The following KCNIP4 variants were observed in gnomAD, a reference collection of about 807,000 sequenced individuals.
KCNIP4 encodes Kv channel-interacting protein 4.
KCNIP4 carries 12 observed loss-of-function variants against 34.0 expected under a neutral mutation model. The ratio of observed to expected loss-of-function variants is 0.35; its 90% CI spans 0.23 to 0.57. The LOEUF is 0.57. KCNIP4 is among the 20% of genes least tolerant of loss of function. KCNIP4 has a pLI of 0.83. For missense variants in KCNIP4, 238 were observed against 311.7 expected (o/e 0.76, Z 1.78); for synonymous variants, 124 against 102.2 (o/e 1.21, Z -1.29).
chr4:21,104,554 C>T (rs1011877316), intron 1 of KCNIP4, among the ~76,000 whole-genome samples: 1 of 152,134 alleles, frequency 6.6e-6, no homozygotes, highest in Admixed American at 6.5e-5. Context: ...TGCCTGTTCA[C>T]TCTGATGGTA....
chr4:21,444,996 C>A (rs1341737565), intron 1 of KCNIP4, among the ~76,000 whole-genome samples: 3 of 152,032 alleles, frequency 2.0e-5, no homozygotes, highest in African/African-American at 7.3e-5. Flanking sequence ...AAACAGAGAG[C>A]CAAATCATGA....
At chr4:21,607,628 T>C (rs1260625755) in intron 1 of KCNIP4, among the ~76,000 whole-genome samples, 3 of 151,846 alleles carry the variant, frequency 2.0e-5, no homozygotes, top group African/African-American at 2.4e-5. Flanking sequence ...AATCCTTGCA[T>C]GGGGAGAGCT....
At chr4:21,122,377 G>T (rs191216877) in intron 1 of KCNIP4, among the ~76,000 whole-genome samples, 6 of 149,150 alleles carry the variant, frequency 4.0e-5, no homozygotes, top group Middle Eastern at 3.7e-3. Context: ...GTTATTCAGG[G>T]TTAAATTGTT....
intron 1 of KCNIP4, among the ~76,000 whole-genome samples, chr4:20,975,448 C>T (rs1408775355): frequency 2.0e-5 from 3 of 152,134 alleles, no homozygotes; most frequent in African/African-American, 7.2e-5. Context: ...GGCACTCAGG[C>T]ATTGACTCAT....
At chr4:21,697,602 T>G (rs1462016692) in intron 1 of KCNIP4, 2 of 1,361,528 alleles carry the variant, frequency 1.5e-6, no homozygotes, top group Non-Finnish European at 1.9e-6. Context: ...AATCAGAAAT[T>G]CCTTTAAAAT....
At chr4:21,120,130 G>A (rs1406948598) in intron 1 of KCNIP4, among the ~76,000 whole-genome samples, 2 of 152,166 alleles carry the variant, frequency 1.3e-5, no homozygotes, top group Non-Finnish European at 2.9e-5. Flanking sequence ...TCTAGACATC[G>A]GGAAATCTGT....
At chr4:21,265,967 C>T (rs971398018) in intron 1 of KCNIP4, among the ~76,000 whole-genome samples, 2 of 152,234 alleles carry the variant, frequency 1.3e-5, no homozygotes, top group African/African-American at 4.8e-5. Flanking sequence ...AGCACTTGCT[C>T]ATTTCCATTG....
At chr4:21,485,915 C>T (rs1731863403) in intron 1 of KCNIP4, among the ~76,000 whole-genome samples, 1 of 152,152 alleles carries the variant, frequency 6.6e-6, no homozygotes, top group Admixed American at 6.5e-5. Context: ...GGTTCAGGCC[C>T]ATCTTTAATC....
chr4:21,342,890 C>T (rs868682627), intron 1 of KCNIP4, among the ~76,000 whole-genome samples: 3 of 152,010 alleles, frequency 2.0e-5, no homozygotes, highest in African/African-American at 2.4e-5. Flanking sequence ...AGCTAAGGGG[C>T]AGTAGTCTAG....
At position 21,107,695 on chromosome 4, in the gene KCNIP4, C is replaced by T. The variant is rs554817157; in HGVS notation, c.62-224986G>A. 1.7e-4 allele frequency among the ~76,000 whole-genome samples: 26 copies of T among 151,384 alleles called. 1 individual carries two copies. Among genetic ancestry groups the T allele is most frequent in the East Asian group, 9.7e-4 (5 of 5,170 alleles). On this transcript the variant is annotated intron_variant, in intron 1 of 8. Coordinates refer to ENST00000382152, the MANE Select transcript of KCNIP4 (RefSeq NM_025221.6). ...AGTTGATGCAGTTTCTTCCTAGCCT[C>T]GACGGTCTTTACAATTTGGCATGAT... is the stretch of plus-strand genomic sequence containing the variant.
chr4:21,396,559 A>G (rs1163194966), intron 1 of KCNIP4, among the ~76,000 whole-genome samples: 1 of 150,556 alleles, frequency 6.6e-6, no homozygotes, highest in Non-Finnish European at 1.5e-5. Flanking sequence ...CAAAAAAAAA[A>G]AAAAAAAAAG....
chr4:21,193,560 T>A (rs910620876), intron 1 of KCNIP4, among the ~76,000 whole-genome samples: 11 of 147,548 alleles, frequency 7.5e-5, no homozygotes, highest in Non-Finnish European at 1.5e-4. Flanking sequence ...GATCACTTAT[T>A]GCAATTTTAA....
chr4:20,914,149 C>T (rs993013594), intron 1 of KCNIP4, among the ~76,000 whole-genome samples: 1 of 150,204 alleles, frequency 6.7e-6, no homozygotes, highest in Admixed American at 6.6e-5. Flanking sequence ...AAGAGCGAAA[C>T]TCTGTCTCAA....
chr4:21,142,599 G>A (rs1752055477), intron 1 of KCNIP4, among the ~76,000 whole-genome samples: 1 of 152,116 alleles, frequency 6.6e-6, no homozygotes, highest in Non-Finnish European at 1.5e-5. Flanking sequence ...TGTGTGAGCT[G>A]TACTTAACGG....
chr4:21,054,520 A>AT (rs1743231590), intron 1 of KCNIP4, among the ~76,000 whole-genome samples: 1 of 148,340 alleles, frequency 6.7e-6, no homozygotes, highest in East Asian at 2.0e-4. Flanking sequence ...ACTCTGTCAA[A>AT]GAAAAAAAAA....
intron 1 of KCNIP4, among the ~76,000 whole-genome samples, chr4:21,548,627 T>C (rs1196199707): frequency 6.6e-6 from 1 of 151,256 alleles, no homozygotes; most frequent in Non-Finnish European, 1.5e-5. Flanking sequence ...ACTCATTACA[T>C]AAAGTGCTAA....
At chr4:21,778,622 T>C (rs1719356197) in intron 1 of KCNIP4, among the ~76,000 whole-genome samples, 1 of 152,190 alleles carries the variant, frequency 6.6e-6, no homozygotes, top group South Asian at 2.1e-4. Flanking sequence ...TATTGTAACA[T>C]AAAATATTAC....
intron 1 of KCNIP4, among the ~76,000 whole-genome samples, chr4:21,867,370 A>G (rs529155600): frequency 1.3e-5 from 2 of 152,356 alleles, no homozygotes; most frequent in Admixed American, 6.5e-5. Context: ...GAAAGCAAGT[A>G]TACCAACTTT....
intron 3 of KCNIP4, among the ~76,000 whole-genome samples, chr4:20,763,051 A>C (rs967229504): frequency 1.3e-5 from 2 of 152,058 alleles, no homozygotes; most frequent in Non-Finnish European, 2.9e-5. Context: ...AGCATGGGGG[A>C]ACTGCCTCCA....
Sources: allele counts gnomAD v4.1 joint callset (sites outside exome capture counted in the v4.1 genomes callset), GRCh38; gene constraint gnomAD v4.1.1; transcripts MANE v1.5; gene names NCBI Gene and HGNC (gene_info 2026-07-23, HGNC 2026-07-21).